MAPRE3: variants seen among roughly 807,000 people sequenced by gnomAD.
The protein encoded by MAPRE3 is microtubule-associated protein RP/EB family member 3.
Under a neutral mutation model 30.5 loss-of-function variants are expected in MAPRE3, and 2 were observed. That is an observed-to-expected ratio of 0.07 (90% CI 0.03 to 0.21). The LOEUF (loss-of-function observed/expected upper bound fraction) is 0.21, where lower values mean the gene tolerates loss of function less well. MAPRE3 is among the 10% of genes least tolerant of loss of function. MAPRE3 has a pLI of 1.00. For missense variants in MAPRE3, 204 were observed against 351.8 expected (o/e 0.58, Z 3.36); for synonymous variants, 110 against 127.7 (o/e 0.86, Z 0.93).
chr2:27,025,010 G>C (rs1359543473), intron 4 of MAPRE3, among the ~76,000 whole-genome samples: 3 of 152,186 alleles, frequency 2.0e-5, no homozygotes, highest in Admixed American at 2.0e-4. Context: ...GGGAGGTGCA[G>C]TCGCTAGTGA....
At chr2:27,008,404 C>T (rs1341789377) in intron 1 of MAPRE3, among the ~76,000 whole-genome samples, 1 of 151,854 alleles carries the variant, frequency 6.6e-6, no homozygotes, top group East Asian at 1.9e-4. Context: ...GACTGGGCAA[C>T]ATAGTGAGAC....
chr2:26,983,197 A>G (rs544515113), intron 1 of MAPRE3, among the ~76,000 whole-genome samples: 2 of 152,350 alleles, frequency 1.3e-5, no homozygotes, highest in South Asian at 4.1e-4. Context: ...GCATAAATTA[A>G]AAATCAAATG....
intron 1 of MAPRE3, among the ~76,000 whole-genome samples, chr2:26,976,705 A>C (rs1392333078): frequency 6.6e-6 from 1 of 152,254 alleles, no homozygotes; most frequent in East Asian, 1.9e-4. Flanking sequence ...AACTCCATGC[A>C]AAATGATTTT....
At position 27,026,430 on chromosome 2, in the gene MAPRE3, A is replaced by C; in HGVS notation, c.*82A>C. The C allele has an allele frequency of 8.1e-7, 1 of 1,232,402 alleles. No individual in the cohort carries two copies. Among genetic ancestry groups the C allele is most frequent in the Non-Finnish European group, 1.2e-6 (1 of 862,608 alleles). The allele number at this position is 1,232,402 out of a possible 1,614,324, so 76.3% of individuals were successfully genotyped here. A position where few individuals can be genotyped will look rare whatever the true frequency, so the allele number is the denominator to read the frequency against. On this transcript the variant is annotated 3_prime_UTR_variant, in exon 7 of 7. Transcript: ENST00000233121. ...ACTCCCACATTATAGTCCTTTCCTAACACGGTCGGCCGGGTGCTTTGTGTC... is the reference window on the plus strand; with the variant it reads ...ACTCCCACATTATAGTCCTTTCCTACCACGGTCGGCCGGGTGCTTTGTGTC...
rs1344894599 is a variant in MAPRE3 at position 27,023,466 on chromosome 2, G to T, written c.256G>T (p.Gly86Cys). ...GCTGCAAGCAGCTTTCAAGAAGATG[G>T]GTGTTGACAAAGTAGGTGCCTGCGC... is the stretch of plus-strand genomic sequence containing the variant. ...KVLQAAFKKM[G>C]VDKIIPVEKL... The change falls in exon 3 of 7, where the codon GGT becomes TGT. Residue 86 changes from glycine (G) to cysteine (C), a missense_variant. Physicochemically the swap from Gly to Cys is radical, Grantham distance 159. Around this residue, in one of 5 missense-constraint regions of MAPRE3, gnomAD observed 101 missense variants for 205.4 expected, o/e 0.49. Transcript: ENST00000233121. 3.1e-6 allele frequency: 5 copies of T among 1,613,884 alleles called. No homozygotes were observed. The highest frequency in any genetic ancestry group is 1.3e-5 in the African/African-American group (1 of 74,926).
At chr2:27,023,262 G>T in intron 2 of MAPRE3, 70 bp from the exon 3 acceptor site, 1 of 1,516,408 alleles carries the variant, frequency 6.6e-7, no homozygotes, top group South Asian at 1.3e-5. Flanking sequence ...ACGGGGTTTG[G>T]GGAAGTGAGA....
Position 27,015,816 on chromosome 2 carries a change from G to C in MAPRE3, c.-7-6396G>C, listed in dbSNP as rs932864639. ...ATATAAGTGCCTAGATCTAAGTGCA[G>C]TCCTAATCGCCTGGGAAGGAAGCAG... On this transcript the variant is annotated intron_variant, in intron 1 of 6. Coordinates refer to ENST00000233121, the MANE Select transcript of MAPRE3 (RefSeq NM_012326.4). This position sits in a 1 kb window ranked among gnomAD's most constrained non-coding sequence, Gnocchi z 4.0. Among the ~76,000 whole-genome samples the C allele has an allele frequency of 3.3e-5, 5 of 152,204 alleles. No individual in the cohort carries two copies. Among genetic ancestry groups the C allele is most frequent in the African/African-American group, 9.7e-5 (4 of 41,450 alleles).
In MAPRE3 at chr2:26,986,690, G is replaced by C. The variant is rs1666227747; in HGVS notation, c.-8+15888G>C. 1.3e-5 allele frequency: 2 copies of C among 152,178 alleles called. No individual in the cohort carries two copies. Among genetic ancestry groups the C allele is most frequent in the African/African-American group, 4.8e-5 (2 of 41,382 alleles). 9.4% of individuals were successfully genotyped at this position (152,178 alleles called of 1,614,324 possible). Reference sequence around the variant, plus strand: ...GGTCCTTCTCAGGCAGACTAAGCTGGATGGGCCTTTGGTTTGGGCCAGTAA... The same window carrying C: ...GGTCCTTCTCAGGCAGACTAAGCTGCATGGGCCTTTGGTTTGGGCCAGTAA... On this transcript the variant is annotated intron_variant, in intron 1 of 6. Coordinates refer to ENST00000233121, the MANE Select transcript of MAPRE3 (RefSeq NM_012326.4). The surrounding 1 kb of genome is among the most constrained non-coding windows in gnomAD (Gnocchi z 4.2).
chr2:26,976,886 A>G (rs11687536), intron 1 of MAPRE3, among the ~76,000 whole-genome samples: 87,541 of 152,088 alleles, frequency 0.58, 25,657 homozygotes, highest in East Asian at 0.76. Flanking sequence ...AGCAATATTT[A>G]GAAAATCAGA....
intron 1 of MAPRE3, among the ~76,000 whole-genome samples, chr2:27,006,828 G>A (rs1172449212): frequency 2.6e-5 from 4 of 152,152 alleles, no homozygotes; most frequent in Non-Finnish European, 4.4e-5. Flanking sequence ...TGGCTTATAT[G>A]CCATCTTCAG....
chr2:27,012,937 A>G (rs753605343), intron 1 of MAPRE3: 1 of 152,706 alleles, frequency 6.5e-6, no homozygotes, highest in Non-Finnish European at 1.5e-5. Context: ...AGGCTAAACA[A>G]TTCACAGGAT....
intron 1 of MAPRE3, among the ~76,000 whole-genome samples, chr2:26,996,477 C>T (rs1666461908): frequency 6.6e-6 from 1 of 152,082 alleles, no homozygotes; most frequent in African/African-American, 2.4e-5. Context: ...TCTTAACTAG[C>T]AGAGACTAAC....
At chr2:26,976,624 G>A (rs914002634) in intron 1 of MAPRE3, among the ~76,000 whole-genome samples, 3 of 152,174 alleles carry the variant, frequency 2.0e-5, no homozygotes, top group Non-Finnish European at 4.4e-5. Flanking sequence ...TTAGCATAAC[G>A]TCAGTGTTTT....
At chr2:27,001,377 A>C (rs1209453471) in intron 1 of MAPRE3, among the ~76,000 whole-genome samples, 1 of 152,198 alleles carries the variant, frequency 6.6e-6, no homozygotes, top group African/African-American at 2.4e-5. Flanking sequence ...ATGGTGGCTC[A>C]TGCCTGTAAT....
chr2:27,020,440 T>C (rs1240841274), intron 1 of MAPRE3, among the ~76,000 whole-genome samples: 1 of 152,260 alleles, frequency 6.6e-6, no homozygotes, highest in African/African-American at 2.4e-5. Flanking sequence ...TTGACCTATC[T>C]TGTTTTTCCA....
chr2:26,999,540 C>T (rs180856110), intron 1 of MAPRE3, among the ~76,000 whole-genome samples: 54 of 117,852 alleles, frequency 4.6e-4, no homozygotes, highest in Admixed American at 8.6e-4. Flanking sequence ...CTGTTGTCAC[C>T]CAGGCTGGAG....
At chr2:26,975,531 A>T (rs1274975847) in intron 1 of MAPRE3, among the ~76,000 whole-genome samples, 1 of 152,078 alleles carries the variant, frequency 6.6e-6, no homozygotes, top group African/African-American at 2.4e-5. Flanking sequence ...TCAGTAGGGA[A>T]GGAAATACCC....
intron 1 of MAPRE3, among the ~76,000 whole-genome samples, chr2:26,984,600 CA>C (rs1356765104): frequency 1.3e-5 from 2 of 152,228 alleles, no homozygotes; most frequent in African/African-American, 4.8e-5. Flanking sequence ...GCTCCAAATA[CA>C]AATGTGTCCT....
chr2:26,977,564 C>T (rs1666038495), intron 1 of MAPRE3, among the ~76,000 whole-genome samples: 1 of 152,214 alleles, frequency 6.6e-6, no homozygotes, highest in African/African-American at 2.4e-5. Context: ...CTACAGTTGC[C>T]TTCCTCCCTT....
Sources: gnomAD v4.1 joint callset for allele counts (sites outside exome capture counted in the v4.1 genomes callset) on GRCh38, gnomAD v4.1.1 for gene constraint, gnomAD v4.1.1 regional missense constraint, Gnocchi (gnomAD v3.1) non-coding constraint, MANE v1.5 for transcripts, NCBI Gene and HGNC (gene_info 2026-07-23, HGNC 2026-07-21) for gene names.